The following ENKUR variants were observed in gnomAD, a reference collection of about 807,000 sequenced individuals.
The protein encoded by ENKUR is enkurin, TRPC channel interacting protein.
A neutral mutation model predicts 27.6 loss-of-function variants in ENKUR; 19 were observed. The observed-to-expected ratio is 0.69, with a 90% CI of 0.48 to 1.01. The LOEUF (loss-of-function observed/expected upper bound fraction) is 1.01. Ranked by LOEUF, ENKUR falls within the 50% of genes least tolerant of loss-of-function variation. ENKUR has a pLI of 0.00. For synonymous variants in ENKUR, 117 were observed against 96.9 expected, an observed-to-expected ratio of 1.21 and a Z score of -1.22; for missense variants, 312 against 310.5, an observed-to-expected ratio of 1.00 and a Z score of -0.04.
intron 2 of ENKUR, among the ~76,000 whole-genome samples, chr10:25,057,805 G>A (rs1213691208): frequency 6.6e-6 from 1 of 152,096 alleles, no homozygotes; most frequent in Non-Finnish European, 1.5e-5. Context: ...CTGTGTTTGA[G>A]TGACCCTGCC....
intron 2 of ENKUR, among the ~76,000 whole-genome samples, chr10:25,056,177 G>A (rs1211833106): frequency 6.6e-6 from 1 of 152,210 alleles, no homozygotes; most frequent in Non-Finnish European, 1.5e-5. Flanking sequence ...GTCGGAATTT[G>A]AATCCAGGTC....
At position 24,984,379 on chromosome 10, in the gene ENKUR, GC is replaced by G; in HGVS notation, c.765-4del. On this transcript the variant is annotated splice_polypyrimidine_tract_variant and splice_region_variant and intron_variant, in intron 5 of 5. Transcript: ENST00000331161. ...AGTTGTGCTGTTGGTATCATGCGCTGCAGAAAAAAAAAAAAAAAAGTGAAGT... is the reference window on the plus strand; with the variant it reads ...AGTTGTGCTGTTGGTATCATGCGCTGAGAAAAAAAAAAAAAAAAGTGAAGT... The G allele has an allele frequency of 7.0e-7, 1 of 1,423,590 alleles. No individual in the cohort carries two copies. Among genetic ancestry groups the G allele is most frequent in the Admixed American group, 2.5e-5 (1 of 39,368 alleles). 88.2% of individuals were successfully genotyped at this position (1,423,590 alleles called of 1,614,324 possible).
intron 2 of ENKUR, among the ~76,000 whole-genome samples, chr10:25,039,795 T>A (rs558023636): frequency 5.3e-5 from 8 of 152,262 alleles, no homozygotes; most frequent in African/African-American, 1.9e-4. Context: ...TGTAGAAGGC[T>A]TATCTTTTTG....
chr10:25,052,150 C>T (rs1465903224), intron 2 of ENKUR, among the ~76,000 whole-genome samples: 5 of 152,114 alleles, frequency 3.3e-5, no homozygotes, highest in Non-Finnish European at 7.4e-5. Context: ...CAGGCTGGGT[C>T]TCTCACTGTA....
At chr10:24,996,709 A>C (rs186820790) in intron 2 of ENKUR, among the ~76,000 whole-genome samples, 26 of 152,306 alleles carry the variant, frequency 1.7e-4, no homozygotes, top group African/African-American at 5.8e-4. Context: ...TTTCTGCATC[A>C]TTTGACCTTT....
intron 2 of ENKUR, among the ~76,000 whole-genome samples, chr10:25,054,683 A>ATT (rs767687459): frequency 8.1e-5 from 11 of 136,080 alleles, no homozygotes; most frequent in Admixed American, 1.5e-4. Context: ...TGGGCGATTA[A>ATT]TTTTTTTTTT....
chr10:25,040,564 G>GT (rs1851052391), intron 2 of ENKUR, among the ~76,000 whole-genome samples: 1 of 151,920 alleles, frequency 6.6e-6, no homozygotes, highest in Non-Finnish European at 1.5e-5. Context: ...AGTAGAAACG[G>GT]TTTCACCGTG....
intron 5 of ENKUR, 48 bp from the exon 6 acceptor site, chr10:24,984,424 T>C (rs1443097307): frequency 6.4e-7 from 1 of 1,569,894 alleles, no homozygotes; most frequent in Non-Finnish European, 8.6e-7. Flanking sequence ...CTGACTTTAT[T>C]TTTCAGGACC....
At chr10:25,024,657 G>A (rs755011083) in intron 2 of ENKUR, 25 of 1,614,076 alleles carry the variant, frequency 1.5e-5, no homozygotes, top group Admixed American at 1.0e-4. Flanking sequence ...GACTACTTCC[G>A]CAGGTAGTTT....
chr10:25,019,701 A>G (rs1451148013), upstream of ENKUR, among the ~76,000 whole-genome samples: 2 of 152,226 alleles, frequency 1.3e-5, no homozygotes, highest in African/African-American at 4.8e-5. Context: ...AGTCAGTCCT[A>G]TTAACTGCTA....
intron 2 of ENKUR, 146 bp downstream of exon 2, chr10:24,999,255 C>T: frequency 1.3e-6 from 1 of 776,424 alleles, no homozygotes; most frequent in Non-Finnish European, 2.0e-6. Context: ...CAATTCTCTA[C>T]TTCCACTTTC....
In ENKUR at chr10:25,016,054, CA is replaced by C; in HGVS notation, c.-119del. 2 of 1,447,700 alleles carry C rather than the reference CA, an allele frequency of 1.4e-6. No homozygotes were observed. The highest frequency in any genetic ancestry group is 1.8e-6 in the Non-Finnish European group (2 of 1,095,248). The allele number at this position is 1,447,700 out of a possible 1,614,324, so 89.7% of individuals were successfully genotyped here. ...TTCTTCTTCGCCTTCTGAAGGACCA[CA>C]GGTTCTCTCCTTCACATCGTCCCCC... is the stretch of plus-strand genomic sequence containing the variant. On this transcript the variant is annotated 5_prime_UTR_variant, in exon 1 of 6. Coordinates refer to ENST00000331161, the MANE Select transcript of ENKUR (RefSeq NM_145010.4).
At chr10:25,025,319 A>G (rs1850827407) in intron 2 of ENKUR, 3 of 1,614,186 alleles carry the variant, frequency 1.9e-6, no homozygotes, top group Non-Finnish European at 1.7e-6. Flanking sequence ...GGTTCATACA[A>G]TGCATTACCT....
chr10:25,000,330 C>T (rs1850158160), intron 1 of ENKUR, among the ~76,000 whole-genome samples: 1 of 152,098 alleles, frequency 6.6e-6, no homozygotes, highest in Non-Finnish European at 1.5e-5. Flanking sequence ...TAAATGACAA[C>T]TAGGTCAAAC....
intron 1 of ENKUR, among the ~76,000 whole-genome samples, chr10:25,009,120 A>C (rs1480780643): frequency 6.6e-6 from 1 of 152,012 alleles, no homozygotes; most frequent in African/African-American, 2.4e-5. Context: ...GTGGGAGGAG[A>C]GGGGAGGGAT....
chr10:25,057,440 A>T (rs1469784016), intron 2 of ENKUR, among the ~76,000 whole-genome samples: 1 of 149,848 alleles, frequency 6.7e-6, no homozygotes, highest in Non-Finnish European at 1.5e-5. Context: ...ATGCCCTTAA[A>T]TCGCTCTTCA....
In ENKUR at chr10:24,984,336, A is replaced by G; in HGVS notation, c.*34T>C. The G allele has an allele frequency of 6.3e-7, 1 of 1,594,134 alleles. No homozygotes were observed. The highest frequency in any genetic ancestry group is 2.2e-5 in the East Asian group (1 of 44,686). Reference sequence around the variant, plus strand: ...CACGTGTTACTATTTCCAGTTCAAAATACTTAACAGTTTTCAAAGTTGTGC... The same window carrying G: ...CACGTGTTACTATTTCCAGTTCAAAGTACTTAACAGTTTTCAAAGTTGTGC... On this transcript the variant is annotated 3_prime_UTR_variant, in exon 6 of 6. Transcript: ENST00000331161.
chr10:24,999,948 T>C (rs1330387782), intron 1 of ENKUR, among the ~76,000 whole-genome samples: 1 of 152,188 alleles, frequency 6.6e-6, no homozygotes, highest in East Asian at 1.9e-4. Context: ...AATGTTCATG[T>C]TTTCCATTTC....
At position 25,049,561 on chromosome 10, in the gene ENKUR, G is replaced by T. The variant is rs559429017; in HGVS notation, c.37+11551C>A. 6.6e-5 allele frequency among the ~76,000 whole-genome samples: 10 copies of T among 152,256 alleles called. No homozygotes were observed. The East Asian group carries it at 1.9e-3, about 29-fold the overall frequency. ...CCAGCACTTTGGGAGGCTGAAGCAG[G>T]CAGATCACCTGAGGTCAGGGGTTCG... On this transcript the variant is annotated intron_variant, in intron 2 of 5. Transcript: ENST00000615958.
Sources: allele counts gnomAD v4.1 joint callset (sites outside exome capture counted in the v4.1 genomes callset), GRCh38; gene constraint gnomAD v4.1.1; transcripts MANE v1.5; gene names NCBI Gene and HGNC (gene_info 2026-07-23, HGNC 2026-07-21).